CHL1: variants seen among roughly 807,000 people sequenced by gnomAD.
CHL1 encodes the protein neural cell adhesion molecule L1-like protein.
In CHL1, 96 loss-of-function variants were observed where a neutral mutation model predicts 141.9. That is an observed-to-expected ratio of 0.68 (90% CI 0.57 to 0.80). The LOEUF (loss-of-function observed/expected upper bound fraction) is 0.80, where lower values mean the gene tolerates loss of function less well. Among genes scored for constraint, CHL1 ranks in the 30% least tolerant of loss-of-function variants. The probability of loss-of-function intolerance (pLI) is 0.00; values close to 1 mark genes in which losing one functional copy is unlikely to be tolerated. For synonymous variants in CHL1, 613 were observed against 502.2 expected, an observed-to-expected ratio of 1.22 and a Z score of -2.95; for missense variants, 1,820 against 1,457.2, an observed-to-expected ratio of 1.25 and a Z score of -4.05.
Position 390,941 on chromosome 3 carries a change from G to C in CHL1, c.2587-14G>C. 1 of 1,607,380 alleles carries C rather than the reference G, an allele frequency of 6.2e-7. No homozygotes were observed. Among genetic ancestry groups the C allele is most frequent in the South Asian group, 1.1e-5 (1 of 90,896 alleles). On this transcript the variant is annotated splice_polypyrimidine_tract_variant and intron_variant, in intron 21 of 27. Coordinates refer to ENST00000256509, the MANE Select transcript of CHL1 (RefSeq NM_006614.4). ...CACAATGGATATACTAAAAGATTTT[G>C]GTTTTCATTGCAGATAAATTGGTGG...
chr3:360,086 T>C lies in CHL1; in HGVS notation c.1166-198T>C, dbSNP rs147722584. On this transcript the variant is annotated intron_variant, in intron 11 of 27. Transcript: ENST00000256509. The stretch of plus-strand genomic sequence containing the variant: ...TGTTGCTAAATATTAACTTGAAAGA[T>C]AATTGAAAATTCACATGGATCTGGA... 6.5e-4 allele frequency among the ~76,000 whole-genome samples: 99 copies of C among 152,326 alleles called. 1 individual carries two copies. Among genetic ancestry groups the C allele is most frequent in the African/African-American group, 2.3e-3 (97 of 41,584 alleles).
chr3:394,336 G>A (rs2106398784), intron 23 of CHL1, among the ~76,000 whole-genome samples: 1 of 152,104 alleles, frequency 6.6e-6, no homozygotes, highest in African/African-American at 2.4e-5. Context: ...TATAGCAATG[G>A]GGAAAATTCA....
chr3:376,327 C>A, intron 15 of CHL1: 1 of 488,752 alleles, frequency 2.0e-6, no homozygotes, highest in South Asian at 1.5e-5. Context: ...CAGAATTATC[C>A]AGGCTTCATG....
At chr3:288,017 C>T (rs960519338) in intron 2 of CHL1, among the ~76,000 whole-genome samples, 3 of 152,182 alleles carry the variant, frequency 2.0e-5, no homozygotes, top group African/African-American at 7.2e-5. Flanking sequence ...ATCTGCCCAC[C>T]TTAGCCTCCC....
intron 5 of CHL1, among the ~76,000 whole-genome samples, chr3:330,682 G>T (rs1419484139): frequency 6.6e-6 from 1 of 152,036 alleles, no homozygotes; most frequent in Non-Finnish European, 1.5e-5. Flanking sequence ...AAATCAGAAC[G>T]CCTATAGTTT....
chr3:284,361 G>T (rs923932563), intron 2 of CHL1, among the ~76,000 whole-genome samples: 2 of 152,172 alleles, frequency 1.3e-5, no homozygotes, highest in Non-Finnish European at 2.9e-5. Context: ...TGAGGTTTAT[G>T]CTAGGAGTGC....
intron 1 of CHL1, chr3:197,637 G>GA (rs770994642): frequency 2.7e-6 from 1 of 366,578 alleles, no homozygotes; most frequent in East Asian, 7.4e-5. Context: ...GCCCGGGGGG[G>GA]GTTCCGAAAA....
At chr3:365,309 A>G (rs151020448) in intron 14 of CHL1, among the ~76,000 whole-genome samples, 368 of 152,352 alleles carry the variant, frequency 2.4e-3, no homozygotes, top group African/African-American at 8.5e-3. Flanking sequence ...GAGTTTCATA[A>G]TGTTGATAAC....
At chr3:368,807 C>T (rs1424354730) in intron 15 of CHL1, among the ~76,000 whole-genome samples, 2 of 152,136 alleles carry the variant, frequency 1.3e-5, no homozygotes, top group African/African-American at 4.8e-5. Flanking sequence ...CAGTTGTTTG[C>T]ACATGGCTAG....
intron 1 of CHL1, among the ~76,000 whole-genome samples, chr3:239,050 G>A (rs1692282880): frequency 1.3e-5 from 2 of 151,888 alleles, no homozygotes; most frequent in African/African-American, 2.4e-5. Flanking sequence ...ATGCTACCAC[G>A]TGGGGTACTG....
intron 2 of CHL1, chr3:248,049 C>A (rs1358384028): frequency 6.6e-6 from 1 of 152,048 alleles, no homozygotes; most frequent in African/African-American, 2.4e-5. Context: ...GTTGTTCACC[C>A]ACTCTGGGGA....
intron 3 of CHL1, among the ~76,000 whole-genome samples, chr3:322,234 T>G (rs1458913521): frequency 6.6e-6 from 1 of 152,032 alleles, no homozygotes; most frequent in Admixed American, 6.6e-5. Flanking sequence ...AGATAAACAC[T>G]GAACTTGAGC....
intron 5 of CHL1, among the ~76,000 whole-genome samples, chr3:339,108 T>C (rs992901245): frequency 7.9e-5 from 12 of 152,324 alleles, no homozygotes; most frequent in Middle Eastern, 3.4e-3. Context: ...TGAGTATAGA[T>C]AGATTCACCA....
rs1029538013 is a variant in CHL1 at position 394,706 on chromosome 3, C to T, written c.2928C>T (p.Tyr976=). The T allele has an allele frequency of 8.1e-6, 13 of 1,609,148 alleles. No individual in the cohort carries two copies. The highest frequency in any genetic ancestry group is 2.2e-5 in the East Asian group (1 of 44,764). The change falls in exon 24 of 28, where the codon TAC becomes TAT. Residue 976 remains tyrosine (Y), a synonymous_variant. Coordinates refer to ENST00000256509, the MANE Select transcript of CHL1 (RefSeq NM_006614.4). ...TTATTTTTTTAGTAAATGACACCTA[C>T]GAGATTGGAGAATTAAATGATATTA... ...LLQYQIINDT[Y]EIGELNDINI... is the part of the protein sequence containing the mutation.
At position 317,072 on chromosome 3, in the gene CHL1, C is replaced by T. The variant is rs141979405; in HGVS notation, c.-94-2611C>T. On this transcript the variant is annotated intron_variant, in intron 2 of 27. Coordinates refer to ENST00000256509, the MANE Select transcript of CHL1 (RefSeq NM_006614.4). ...ATGGAGTCTTACTTGAACGGGGTCA[C>T]ATTTAAACTTCTAATAATTTTTATG... 2.4e-3 allele frequency among the ~76,000 whole-genome samples: 360 copies of T among 152,110 alleles called. 2 individuals are homozygous for T. The highest frequency in any genetic ancestry group is 8.0e-3 in the African/African-American group (332 of 41,538).
In CHL1 at chr3:205,515, G is replaced by A. The variant is rs1249265086; in HGVS notation, c.-175+8452G>A. Among the ~76,000 whole-genome samples, 4 of 152,124 alleles carry A rather than the reference G, an allele frequency of 2.6e-5. No homozygotes were observed. In the East Asian group the frequency reaches 7.7e-4, roughly 29 times the overall value. ...ACCGTATAAACTGAGAGCTGTCTAG[G>A]GGAAAAATTGAAAATGTTACCAGTT... On this transcript the variant is annotated intron_variant, in intron 1 of 27. Transcript: ENST00000256509.
intron 24 of CHL1, among the ~76,000 whole-genome samples, chr3:397,196 T>C (rs1015123142): frequency 2.0e-5 from 3 of 152,148 alleles, no homozygotes; most frequent in African/African-American, 7.2e-5. Flanking sequence ...CTTAATGTTA[T>C]ACTAATATCT....
At chr3:383,244 A>G (rs539533548) in intron 18 of CHL1, among the ~76,000 whole-genome samples, 56 of 152,182 alleles carry the variant, frequency 3.7e-4, no homozygotes, top group Non-Finnish European at 6.9e-4. Flanking sequence ...ATAGAAATTA[A>G]CACTTGTGTG....
At chr3:358,379 A>G (rs780847857) in intron 11 of CHL1, among the ~76,000 whole-genome samples, 14 of 152,108 alleles carry the variant, frequency 9.2e-5, no homozygotes, top group South Asian at 4.1e-4. Flanking sequence ...TTGTGATTAC[A>G]TTGAGCCCAC....
Sources: allele counts gnomAD v4.1 joint callset (sites outside exome capture counted in the v4.1 genomes callset), GRCh38; gene constraint gnomAD v4.1.1; transcripts MANE v1.5; gene names NCBI Gene and HGNC (gene_info 2026-07-23, HGNC 2026-07-21).